Variants in ARFGEF1 observed in about 807,000 individuals in gnomAD.
ARFGEF1 encodes the protein ARF guanine nucleotide exchange factor 1, also known as brefeldin A-inhibited guanine nucleotide-exchange protein 1.
A neutral mutation model predicts 231.0 loss-of-function variants in ARFGEF1; 42 were observed. The ratio of observed to expected loss-of-function variants is 0.18; its 90% CI spans 0.14 to 0.24. The LOEUF (loss-of-function observed/expected upper bound fraction) is 0.24, where lower values mean the gene tolerates loss of function less well. Ranked by LOEUF, ARFGEF1 falls within the 10% of genes least tolerant of loss-of-function variation. ARFGEF1 has a pLI of 1.00. For synonymous variants in ARFGEF1, 710 were observed against 732.3 expected, an observed-to-expected ratio of 0.97 and a Z score of 0.49; for missense variants, 1,345 against 2,192.0, an observed-to-expected ratio of 0.61 and a Z score of 7.72.
chr8:67,212,524 C>T (rs1838785601), intron 33 of ARFGEF1, among the ~76,000 whole-genome samples: 1 of 152,218 alleles, frequency 6.6e-6, no homozygotes, highest in South Asian at 2.1e-4. Context: ...ACACTAGCAG[C>T]ACAGTGTTGG....
At chr8:67,188,073 CTG>C (rs1222344358) in intron 5 of ARFGEF1, among the ~76,000 whole-genome samples, 1 of 152,124 alleles carries the variant, frequency 6.6e-6, no homozygotes, top group Non-Finnish European at 1.5e-5. Context: ...ATAAAAGACA[CTG>C]TTAATTAAGA....
intron 10 of ARFGEF1, among the ~76,000 whole-genome samples, chr8:67,268,764 T>C (rs780498145): frequency 1.3e-5 from 2 of 152,224 alleles, no homozygotes; most frequent in African/African-American, 2.4e-5. Flanking sequence ...ACTTTATGCA[T>C]ACTATTGTCT....
In ARFGEF1 at chr8:67,238,748, T is replaced by C; in HGVS notation, c.3125A>G (p.Asn1042Ser). ...VAHTDGNYLG[N>S]SWHEILKCIS... ...AAGTGCTTATACCTCATGCCATGAA[T>C]TTCCTAAATAATTTCCATCTGTATG... is the stretch of plus-strand genomic sequence containing the variant. Residue 1042 changes from asparagine (N) to serine (S), a missense_variant, in exon 21 of 39, where the codon AAT becomes AGT. By Grantham distance (46) the Asn-to-Ser change is conservative. This residue lies in a region of ARFGEF1 where 146 missense variants were observed against 321.4 expected (regional missense o/e 0.45). Transcript: ENST00000262215. 2 of 1,613,734 alleles carry C rather than the reference T, an allele frequency of 1.2e-6. No individual in the cohort carries two copies. The highest frequency in any genetic ancestry group is 1.7e-6 in the Non-Finnish European group (2 of 1,179,802).
Position 67,302,451 on chromosome 8 carries a change from T to G in ARFGEF1, c.140A>C (p.Glu47Ala), listed in dbSNP as rs774730853. Residue 47 changes from glutamate to alanine, a missense_variant, in exon 2 of 39, where the codon GAA becomes GCA. Glu to Ala is a moderately radical substitution (Grantham distance 107). Around this residue, in one of 14 missense-constraint regions of ARFGEF1, gnomAD observed 398 missense variants for 463.2 expected, o/e 0.86. Coordinates refer to ENST00000262215, the MANE Select transcript of ARFGEF1 (RefSeq NM_006421.5). ...CEVALEEIKA[E>A]TEKQSPPHGE... ...TCCCACAAACCTCTGTTTTTCAGTT[T>G]CCGCTTTTATTTCCTCTGAGGGGAA... The G allele has an allele frequency of 1.9e-6, 3 of 1,573,566 alleles. No homozygotes were observed. The highest frequency in any genetic ancestry group is 3.9e-5 in the Admixed American group (2 of 51,826).
intron 10 of ARFGEF1, among the ~76,000 whole-genome samples, chr8:67,268,330 G>A (rs756609411): frequency 3.8e-4 from 58 of 152,182 alleles, no homozygotes; most frequent in African/African-American, 9.9e-4. Context: ...TAAAGATCAC[G>A]TCCATATTGC....
At chr8:67,262,451 G>C (rs1275380475) in intron 14 of ARFGEF1, among the ~76,000 whole-genome samples, 1 of 152,142 alleles carries the variant, frequency 6.6e-6, no homozygotes, top group Non-Finnish European at 1.5e-5. Context: ...TGTGAACACT[G>C]GTGGAAAGAA....
At chr8:67,211,345 CAAA>C (rs375793043) in intron 34 of ARFGEF1, 135 bp downstream of exon 34, 3,512 of 244,290 alleles carry the variant, frequency 0.014, no homozygotes, top group South Asian at 0.021. Context: ...AACTCCGTCT[CAAA>C]AAAAAAAAAA....
intron 7 of ARFGEF1, among the ~76,000 whole-genome samples, chr8:67,281,469 G>C (rs1438846227): frequency 7.3e-5 from 11 of 149,800 alleles, no homozygotes; most frequent in Non-Finnish European, 1.5e-4. Flanking sequence ...ATTTGATAAA[G>C]AGTATCCTCC....
At chr8:67,320,851 C>T (rs1207172689) in intron 1 of ARFGEF1, among the ~76,000 whole-genome samples, 1 of 151,896 alleles carries the variant, frequency 6.6e-6, no homozygotes, top group East Asian at 1.9e-4. Flanking sequence ...AATCCAGCTA[C>T]TCGGGAGGCT....
At chr8:67,245,058 T>C (rs1260052997) in intron 19 of ARFGEF1, among the ~76,000 whole-genome samples, 3 of 150,690 alleles carry the variant, frequency 2.0e-5, no homozygotes, top group African/African-American at 7.4e-5. Flanking sequence ...CAGGCCAGGA[T>C]ACAGTGGTAT....
At chr8:67,203,425 A>G (rs1398650680) in intron 35 of ARFGEF1, among the ~76,000 whole-genome samples, 174 bp from the exon 36 acceptor site, 1 of 152,152 alleles carries the variant, frequency 6.6e-6, no homozygotes, top group Non-Finnish European at 1.5e-5. Flanking sequence ...CTCGTCCCCA[A>G]GCACCACCTC....
At chr8:67,189,082 C>T (rs1835482621) in intron 5 of ARFGEF1, among the ~76,000 whole-genome samples, 2 of 152,126 alleles carry the variant, frequency 1.3e-5, no homozygotes, top group African/African-American at 4.8e-5. Context: ...CCACCACATA[C>T]CTGCTAGAAT....
intron 10 of ARFGEF1, among the ~76,000 whole-genome samples, chr8:67,270,311 A>G (rs1401337200): frequency 6.6e-6 from 1 of 152,208 alleles, no homozygotes; most frequent in African/African-American, 2.4e-5. Context: ...CACTTAAAAT[A>G]CCAAGGCCTA....
At chr8:67,286,422 AT>A (rs1354012656) in intron 7 of ARFGEF1, among the ~76,000 whole-genome samples, 1 of 152,148 alleles carries the variant, frequency 6.6e-6, no homozygotes, top group Non-Finnish European at 1.5e-5. Flanking sequence ...AATTTTTTTT[AT>A]AAAGGGTCAG....
At chr8:67,279,925 T>A (rs1805466879) in intron 7 of ARFGEF1, among the ~76,000 whole-genome samples, 1 of 152,190 alleles carries the variant, frequency 6.6e-6, no homozygotes, top group Admixed American at 6.5e-5. Context: ...TGCAAACTTC[T>A]ACTTTCAAGG....
chr8:67,247,327 T>C (rs2128882511), intron 19 of ARFGEF1, among the ~76,000 whole-genome samples: 1 of 150,036 alleles, frequency 6.7e-6, no homozygotes, highest in East Asian at 1.9e-4. Flanking sequence ...TGAATATTGA[T>C]GCAAAAATCC....
chr8:67,262,240 C>T (rs571668845), intron 14 of ARFGEF1, among the ~76,000 whole-genome samples: 8 of 152,104 alleles, frequency 5.3e-5, no homozygotes, highest in South Asian at 2.1e-4. Flanking sequence ...CCCTTATGGA[C>T]GATTTTCAGG....
At chr8:67,274,334 A>T (rs1426887500) in intron 9 of ARFGEF1, among the ~76,000 whole-genome samples, 1 of 151,996 alleles carries the variant, frequency 6.6e-6, no homozygotes, top group Admixed American at 6.6e-5. Context: ...AAAAAAAAAA[A>T]AAATCATTAA....
intron 17 of ARFGEF1, among the ~76,000 whole-genome samples, chr8:67,256,082 ATACTC>A (rs973469113): frequency 7.2e-5 from 11 of 152,212 alleles, no homozygotes. Flanking sequence ...CCAGGTCAAA[ATACTC>A]TAGTGTAGAT....
Sources: allele counts gnomAD v4.1 joint callset (sites outside exome capture counted in the v4.1 genomes callset), GRCh38; gene constraint gnomAD v4.1.1; regional missense constraint gnomAD v4.1.1; transcripts MANE v1.5; gene names NCBI Gene and HGNC (gene_info 2026-07-23, HGNC 2026-07-21).